CCND3: variants seen among roughly 807,000 people sequenced by gnomAD.
CCND3 encodes the protein G1/S-specific cyclin-D3.
In CCND3, 9 loss-of-function variants were observed where a neutral mutation model predicts 28.7. The observed-to-expected ratio is 0.31, with a 90% CI of 0.19 to 0.55. The LOEUF (loss-of-function observed/expected upper bound fraction) is 0.55. Among genes scored for constraint, CCND3 ranks in the 20% least tolerant of loss-of-function variants. The pLI is 0.93. For missense variants in CCND3, 315 were observed against 385.8 expected (o/e 0.82, Z 1.54); for synonymous variants, 164 against 163.9 (o/e 1.00, Z 0.00).
At chr6:41,988,083 A>G (rs1762538525) in intron 1 of CCND3, among the ~76,000 whole-genome samples, 1 of 151,928 alleles carries the variant, frequency 6.6e-6, no homozygotes, top group African/African-American at 2.4e-5. Context: ...TGAGAGGCCA[A>G]GGCAGGCGGA....
intron 1 of CCND3, among the ~76,000 whole-genome samples, chr6:42,004,226 A>G (rs2127423855): frequency 6.6e-6 from 1 of 151,716 alleles, no homozygotes; most frequent in East Asian, 1.9e-4. Flanking sequence ...CAGCCTCTCC[A>G]GTAGCTGGGA....
intron 1 of CCND3, among the ~76,000 whole-genome samples, chr6:42,000,264 G>GAT: frequency 1.1e-3 from 2 of 1,876 alleles, no homozygotes; most frequent in South Asian, 0.022. Context: ...TTTTTTTTGG[G>GAT]ACAGAGTCTC....
intron 1 of CCND3, among the ~76,000 whole-genome samples, chr6:41,960,925 A>T (rs940898500): frequency 6.6e-6 from 1 of 152,140 alleles, no homozygotes; most frequent in African/African-American, 2.4e-5. Context: ...GCTCTAGGCT[A>T]AGCTTCCTGG....
chr6:41,935,917 C>T lies in CCND3; in HGVS notation c.*23G>A, dbSNP rs2127389098. 3 of 1,595,562 alleles carry T rather than the reference C, an allele frequency of 1.9e-6. No individual in the cohort carries two copies. The highest frequency in any genetic ancestry group is 2.6e-6 in the Non-Finnish European group (3 of 1,171,266). Reference sequence around the variant, plus strand: ...AGCGGCCCCTCCTCTGCTTAGTGGCCACTCCAGAGGGCCTCTCCAGGGCTA... The same window carrying T: ...AGCGGCCCCTCCTCTGCTTAGTGGCTACTCCAGAGGGCCTCTCCAGGGCTA... On this transcript the variant is annotated 3_prime_UTR_variant, in exon 5 of 5. Transcript: ENST00000372991.
chr6:42,030,421 T>A (rs1340980098), intron 1 of CCND3, among the ~76,000 whole-genome samples: 1 of 152,120 alleles, frequency 6.6e-6, no homozygotes, highest in Admixed American at 6.5e-5. Flanking sequence ...GATACTATGA[T>A]GAGGCTATGA....
At chr6:41,994,374 C>T (rs974379046) in intron 1 of CCND3, among the ~76,000 whole-genome samples, 23 of 152,040 alleles carry the variant, frequency 1.5e-4, no homozygotes, top group African/African-American at 4.3e-4. Context: ...GAACATACCC[C>T]CCTCATTAAG....
At chr6:41,966,650 CTTAG>C (rs1343065943) in intron 1 of CCND3, among the ~76,000 whole-genome samples, 1 of 152,128 alleles carries the variant, frequency 6.6e-6, no homozygotes, top group African/African-American at 2.4e-5. Context: ...TAAACTGTCT[CTTAG>C]TTAGGCAGGT....
At chr6:41,966,729 CA>C (rs558959474) in intron 1 of CCND3, among the ~76,000 whole-genome samples, 59 of 152,278 alleles carry the variant, frequency 3.9e-4, no homozygotes, top group African/African-American at 1.3e-3. Flanking sequence ...TGGTTATTCC[CA>C]AATCAACCAT....
In CCND3 at chr6:42,048,670, C is replaced by G. The variant is rs1439193788; in HGVS notation, c.-215G>C. On this transcript the variant is annotated 5_prime_UTR_variant, in exon 1 of 5. Transcript: ENST00000372988. The surrounding 1 kb of genome is among the most constrained non-coding windows in gnomAD (Gnocchi z 4.7). ...ATCCGAACAGAGCCAGTCTCCACCC[C>G]TGCAGTGGCGAAGTGTTTACAAAGT... 5.8e-6 allele frequency: 3 copies of G among 518,210 alleles called. No homozygotes were observed. Among genetic ancestry groups the G allele is most frequent in the Non-Finnish European group, 1.2e-5 (3 of 259,600 alleles). The allele number at this position is 518,210 out of a possible 1,614,324, so 32.1% of individuals were successfully genotyped here. A position where few individuals can be genotyped will look rare whatever the true frequency, so the allele number is the denominator to read the frequency against.
intron 1 of CCND3, among the ~76,000 whole-genome samples, chr6:41,981,851 C>G (rs1358962193): frequency 1.3e-5 from 2 of 151,998 alleles, no homozygotes; most frequent in African/African-American, 4.8e-5. Flanking sequence ...ATACAAAAGT[C>G]AAAGCCAGGC....
intron 1 of CCND3, among the ~76,000 whole-genome samples, chr6:42,027,733 G>GTT (rs112802942): frequency 2.4e-4 from 36 of 149,988 alleles, no homozygotes; most frequent in African/African-American, 8.5e-4. Flanking sequence ...CTAAGCCTCA[G>GTT]TTTTTTTTGT....
At chr6:42,032,719 T>G (rs1373212241) in intron 1 of CCND3, among the ~76,000 whole-genome samples, 2 of 152,208 alleles carry the variant, frequency 1.3e-5, no homozygotes, top group Non-Finnish European at 2.9e-5. Context: ...GGAGTTCCGT[T>G]TCCCCTATTG....
intron 1 of CCND3, among the ~76,000 whole-genome samples, chr6:41,983,165 G>A (rs1762395094): frequency 2.0e-5 from 3 of 151,146 alleles, no homozygotes; most frequent in Admixed American, 2.0e-4. Flanking sequence ...ATCACCTGAG[G>A]TCAGGAGTTC....
intron 1 of CCND3, among the ~76,000 whole-genome samples, chr6:41,964,606 G>A (rs151192688): frequency 3.7e-4 from 57 of 152,214 alleles, no homozygotes; most frequent in African/African-American, 1.4e-3. Context: ...ATCCTGAGTG[G>A]GAACTAACTA....
upstream of CCND3, among the ~76,000 whole-genome samples, chr6:41,946,518 T>C (rs1355301465): frequency 7.1e-5 from 10 of 141,704 alleles, no homozygotes; most frequent in African/African-American, 2.4e-4. Context: ...GGAGAATTGT[T>C]TGAGCCTGGG....
In CCND3 at chr6:42,048,785, T is replaced by G; in HGVS notation, c.-330A>C. 2.3e-6 allele frequency: 1 copy of G among 440,932 alleles called. No individual in the cohort carries two copies. The highest frequency in any genetic ancestry group is 2.7e-5 in the Admixed American group (1 of 37,428). 27.3% of individuals were successfully genotyped at this position (440,932 alleles called of 1,614,324 possible). A position where few individuals can be genotyped will look rare whatever the true frequency, so the allele number is the denominator to read the frequency against. On this transcript the variant is annotated 5_prime_UTR_variant, in exon 1 of 5. Transcript: ENST00000372988. The surrounding 1 kb of genome is among the most constrained non-coding windows in gnomAD (Gnocchi z 4.7). ...GGGCTGGTGCTCTGCTCAGCCAAGTTTCGGTCCCCGGCCTGACTCTCCCAC... is the reference window on the plus strand; with the variant it reads ...GGGCTGGTGCTCTGCTCAGCCAAGTGTCGGTCCCCGGCCTGACTCTCCCAC...
intron 1 of CCND3, among the ~76,000 whole-genome samples, chr6:41,959,467 A>G (rs896771038): frequency 2.6e-5 from 4 of 151,324 alleles, no homozygotes; most frequent in African/African-American, 4.9e-5. Flanking sequence ...GGCAGATCAC[A>G]AGGTCAGGAG....
upstream of CCND3, among the ~76,000 whole-genome samples, chr6:41,944,642 G>A (rs1345098880): frequency 1.3e-5 from 2 of 151,974 alleles, no homozygotes; most frequent in Non-Finnish European, 2.9e-5. Context: ...GGCTGGTCTC[G>A]AACTCCTGAC....
intron 1 of CCND3, among the ~76,000 whole-genome samples, chr6:41,986,605 C>CT (rs79692804): frequency 0.99 from 150,552 of 152,028 alleles, 74,558 homozygotes; most frequent in Middle Eastern, 1. Context: ...AATGTTACTA[C>CT]TTTGGTATGA....
Sources: gnomAD v4.1 joint callset for allele counts (sites outside exome capture counted in the v4.1 genomes callset) on GRCh38, gnomAD v4.1.1 for gene constraint, Gnocchi (gnomAD v3.1) non-coding constraint, MANE v1.5 for transcripts, NCBI Gene and HGNC (gene_info 2026-07-23, HGNC 2026-07-21) for gene names.